KIF16B: variants seen among roughly 807,000 people sequenced by gnomAD.
The protein encoded by KIF16B is kinesin family member 16B.
A neutral mutation model predicts 156.3 loss-of-function variants in KIF16B; 98 were observed. That is an observed-to-expected ratio of 0.63 (90% confidence interval 0.53 to 0.74). The LOEUF (loss-of-function observed/expected upper bound fraction) is 0.74. Among genes scored for constraint, KIF16B ranks in the 30% least tolerant of loss-of-function variants. The pLI, the probability that KIF16B is intolerant of heterozygous loss-of-function variation, is 0.00. For synonymous variants in KIF16B, 564 were observed against 583.7 expected (o/e 0.97, Z 0.49); for missense variants, 1,421 against 1,606.5 (o/e 0.88, Z 1.97).
In KIF16B at chr20:16,411,929, CGTGTGT is replaced by C. The variant is rs36019156; in HGVS notation, c.1613-5479_1613-5474del. 7.6e-3 allele frequency among the ~76,000 whole-genome samples: 1,022 copies of C among 134,078 alleles called. 5 individuals carry two copies. The highest frequency in any genetic ancestry group is 0.01 in the Admixed American group (138 of 13,456). 88.0% of individuals were successfully genotyped at this position (134,078 alleles called of 152,430 possible). The stretch of plus-strand genomic sequence containing the variant: ...CGGATTTCTGATGAGGAATGTTCAA[CGTGTGT>C]GTGTGTGTGTGTGTGTGTGTGTGTG... On this transcript the variant is annotated intron_variant, in intron 15 of 25. Transcript: ENST00000354981.
chr20:16,512,771 A>G (rs191760680), intron 5 of KIF16B, 55 bp downstream of exon 5: 1 of 1,215,394 alleles, frequency 8.2e-7, no homozygotes, highest in Admixed American at 1.7e-5. Flanking sequence ...ATGCAGGCCA[A>G]CCAGCATTGA....
At chr20:16,290,042 G>A (rs2063290432) in intron 25 of KIF16B, among the ~76,000 whole-genome samples, 1 of 152,154 alleles carries the variant, frequency 6.6e-6, no homozygotes, top group African/African-American at 2.4e-5. Flanking sequence ...CAAAAAAGAT[G>A]TATTATTTTC....
rs56263216 is a variant in KIF16B, at chr20:16,559,761, G to A, written c.47+13468C>T. 5.1e-3 allele frequency among the ~76,000 whole-genome samples: 719 copies of A among 142,028 alleles called. 4 individuals are homozygous for A. The highest frequency in any genetic ancestry group is 0.014 in the African/African-American group (527 of 36,750). The allele number at this position is 142,028 out of a possible 152,430, so 93.2% of individuals were successfully genotyped here. On this transcript the variant is annotated intron_variant, in intron 1 of 25. Coordinates refer to ENST00000354981, the MANE Select transcript of KIF16B (RefSeq NM_024704.5). ...CCACTATACTCCAGCCTGGGTGACA[G>A]AGCAAAAAAGACCTTGTCTCAAAAA...
At chr20:16,409,964 T>C (rs1444932447) in intron 15 of KIF16B, among the ~76,000 whole-genome samples, 3 of 31,110 alleles carry the variant, frequency 9.6e-5, no homozygotes, top group Admixed American at 8.2e-4. Flanking sequence ...TATATATATA[T>C]ATATACATAT....
At chr20:16,290,621 G>A (rs2063300882) in intron 25 of KIF16B, among the ~76,000 whole-genome samples, 1 of 152,138 alleles carries the variant, frequency 6.6e-6, no homozygotes, top group African/African-American at 2.4e-5. Flanking sequence ...TCCTGCCTTG[G>A]GAGCTCTTCC....
Position 16,367,499 on chromosome 20 carries a change from G to T in KIF16B, c.3498+3087C>A, listed in dbSNP as rs1461272847. ...TAAAAAACACAGTCTTCCTTCACCA[G>T]TGCAATGTGGGTGTTCAGAAGGACT... On this transcript the variant is annotated intron_variant, in intron 22 of 25. Coordinates refer to ENST00000354981, the MANE Select transcript of KIF16B (RefSeq NM_024704.5). 10 of 1,612,770 alleles carry T rather than the reference G, an allele frequency of 6.2e-6. No individual in the cohort carries two copies. Among genetic ancestry groups the T allele is most frequent in the Admixed American group, 3.3e-5 (2 of 60,016 alleles).
intron 12 of KIF16B, among the ~76,000 whole-genome samples, chr20:16,491,009 G>A (rs952903619): frequency 6.6e-6 from 1 of 152,058 alleles, no homozygotes; most frequent in Non-Finnish European, 1.5e-5. Flanking sequence ...CTAACTCAGA[G>A]GACAAAGAAT....
chr20:16,310,853 T>C lies in KIF16B; in HGVS notation c.3795+1482A>G, dbSNP rs2063609384. 2.0e-5 allele frequency among the ~76,000 whole-genome samples: 3 copies of C among 152,216 alleles called. No individual in the cohort carries two copies. The South Asian group carries it at 6.2e-4, about 31-fold the overall frequency. Reference sequence around the variant, plus strand: ...AGTCTAACTCAAATGCCTCTAAGCATGGCTGTATCCCGAAACTCCTCTTTT... The same window carrying C: ...AGTCTAACTCAAATGCCTCTAAGCACGGCTGTATCCCGAAACTCCTCTTTT... On this transcript the variant is annotated intron_variant, in intron 25 of 25. Coordinates refer to ENST00000354981, the MANE Select transcript of KIF16B (RefSeq NM_024704.5).
intron 12 of KIF16B, among the ~76,000 whole-genome samples, chr20:16,471,561 A>T (rs1456478120): frequency 6.6e-6 from 1 of 152,242 alleles, no homozygotes; most frequent in Non-Finnish European, 1.5e-5. Context: ...CTCACTTCAC[A>T]TATTTAACCG....
intron 23 of KIF16B, among the ~76,000 whole-genome samples, chr20:16,339,824 A>G (rs2064109207): frequency 6.6e-6 from 1 of 152,012 alleles, no homozygotes; most frequent in Admixed American, 6.6e-5. Context: ...CACTATCTCC[A>G]CTGTTCATAT....
rs377002085 is a variant in KIF16B at position 16,521,458 on chromosome 20, C to A, written c.231+4634G>T. On this transcript the variant is annotated intron_variant, in intron 3 of 25. Coordinates refer to ENST00000354981, the MANE Select transcript of KIF16B (RefSeq NM_024704.5). ...AACTTAATGAAATAAAGCATGAAGA[C>A]AAGATTGGAGAAAAAAGAATGAAAA... 8.6e-4 allele frequency among the ~76,000 whole-genome samples: 131 copies of A among 151,676 alleles called. 3 individuals are homozygous for A. In the South Asian group the frequency reaches 0.026, roughly 30 times the overall value.
chr20:16,384,873 A>C (rs1479736991), intron 17 of KIF16B, among the ~76,000 whole-genome samples: 1 of 152,000 alleles, frequency 6.6e-6, no homozygotes, highest in African/African-American at 2.4e-5. Context: ...CTAGCACAGT[A>C]CCTGACACTG....
intron 2 of KIF16B, among the ~76,000 whole-genome samples, 175 bp downstream of exon 2, chr20:16,528,196 G>T (rs898744731): frequency 5.3e-5 from 8 of 152,140 alleles, no homozygotes; most frequent in Non-Finnish European, 1.2e-4. Flanking sequence ...AAGGAAACGG[G>T]ATCAACTCTT....
At position 16,427,238 on chromosome 20, in the gene KIF16B, A is replaced by G. The variant is rs2066379583; in HGVS notation, c.1478T>C (p.Leu493Pro). 6.2e-7 allele frequency: 1 copy of G among 1,606,362 alleles called. No individual in the cohort carries two copies. Among genetic ancestry groups the G allele is most frequent in the Non-Finnish European group, 8.5e-7 (1 of 1,177,454 alleles). Residue 493 changes from leucine to proline, a missense_variant, in exon 15 of 26, where the codon CTT becomes CCT. By Grantham distance (98) the Leu-to-Pro change is moderately conservative (BLOSUM62 -3). Coordinates refer to ENST00000354981, the MANE Select transcript of KIF16B (RefSeq NM_024704.5). ...DDASTEQDIV[L>P]HGLDLESEHC... ...CTCACTCTCCAAGTCAAGGCCATGA[A>G]GAACTAAAGTGGAAAAACAAAGTAG...
intron 24 of KIF16B, among the ~76,000 whole-genome samples, chr20:16,314,823 T>C (rs150347197): frequency 1.4e-3 from 219 of 152,194 alleles, no homozygotes; most frequent in African/African-American, 5.0e-3. Context: ...AGCAAAGGGT[T>C]TTCCGGAACC....
chr20:16,471,400 C>T (rs1338876585), intron 12 of KIF16B, among the ~76,000 whole-genome samples: 1 of 152,050 alleles, frequency 6.6e-6, no homozygotes, highest in Non-Finnish European at 1.5e-5. Flanking sequence ...GGGTTCTGCC[C>T]CTTGACCAGC....
intron 12 of KIF16B, among the ~76,000 whole-genome samples, chr20:16,434,418 T>A (rs1299168879): frequency 1.3e-5 from 2 of 152,250 alleles, no homozygotes; most frequent in Non-Finnish European, 2.9e-5. Context: ...ACATCCTTAG[T>A]GCCCAGCACT....
intron 15 of KIF16B, among the ~76,000 whole-genome samples, chr20:16,416,590 C>T (rs979476862): frequency 1.3e-5 from 2 of 151,878 alleles, no homozygotes; most frequent in African/African-American, 2.4e-5. Context: ...GGGTGGGGTG[C>T]GGAGACCATC....
intron 17 of KIF16B, among the ~76,000 whole-genome samples, chr20:16,397,843 A>C (rs576599958): frequency 1.5e-3 from 227 of 152,338 alleles, no homozygotes; most frequent in African/African-American, 5.2e-3. Context: ...GGGACCACTG[A>C]CAAAAGACCT....
Sources: gnomAD v4.1 joint callset for allele counts (sites outside exome capture counted in the v4.1 genomes callset) on GRCh38, gnomAD v4.1.1 for gene constraint, MANE v1.5 for transcripts, NCBI Gene and HGNC (gene_info 2026-07-23, HGNC 2026-07-21) for gene names.